Variants in TAS1R1 observed in about 807,000 individuals in gnomAD.
TAS1R1 encodes taste receptor type 1 member 1.
In TAS1R1, 31 loss-of-function variants were observed where a neutral mutation model predicts 45.8. The ratio of observed to expected loss-of-function variants is 0.68; its 90% CI spans 0.51 to 0.91. The LOEUF (loss-of-function observed/expected upper bound fraction) is 0.91. Ranked by LOEUF, TAS1R1 falls within the 40% of genes least tolerant of loss-of-function variation. The pLI is 0.00. For synonymous variants in TAS1R1, 437 were observed against 448.4 expected (o/e 0.97, Z 0.32); for missense variants, 1,051 against 1,063.9 (o/e 0.99, Z 0.17).
intron 4 of TAS1R1, 23 bp downstream of exon 4, chr1:6,576,650 C>G (rs1280021004): frequency 3.1e-6 from 5 of 1,608,358 alleles, no homozygotes; most frequent in Non-Finnish European, 3.4e-6. Context: ...TGGCTACTCA[C>G]CATGTAACTG....
intron 1 of TAS1R1, among the ~76,000 whole-genome samples, chr1:6,566,745 G>A (rs1213093709): frequency 2.0e-5 from 3 of 152,180 alleles, no homozygotes; most frequent in African/African-American, 4.8e-5. Context: ...ACAGGTGCCC[G>A]CCACTGCGCC....
In TAS1R1 at chr1:6,574,097, T is replaced by G. The variant is rs1288351790; in HGVS notation, c.499-534T>G. Among the ~76,000 whole-genome samples, 1 of 152,140 alleles carries G rather than the reference T, an allele frequency of 6.6e-6. No homozygotes were observed. Among genetic ancestry groups the G allele is most frequent in the East Asian group, 1.9e-4 (1 of 5,190 alleles). On this transcript the variant is annotated intron_variant, in intron 2 of 5. Transcript: ENST00000333172. This position sits in a 1 kb window ranked among gnomAD's most constrained non-coding sequence, Gnocchi z 4.3. ...GAGACAGTGACAGATCATCAGACATTAGATTCTCATAAGTAGCGTGCAACC... is the reference window on the plus strand; with the variant it reads ...GAGACAGTGACAGATCATCAGACATGAGATTCTCATAAGTAGCGTGCAACC...
chr1:6,571,382 C>A (rs1191722989), intron 2 of TAS1R1, among the ~76,000 whole-genome samples, 167 bp downstream of exon 2: 2 of 152,192 alleles, frequency 1.3e-5, no homozygotes, highest in Non-Finnish European at 2.9e-5. Context: ...GTGGTTCCTG[C>A]CCCAGCCTTC....
At position 6,578,766 on chromosome 1, in the gene TAS1R1, C is replaced by T; in HGVS notation, c.1708C>T (p.Leu570=). 3 of 1,613,200 alleles carry T rather than the reference C, an allele frequency of 1.9e-6. No homozygotes were observed. Among genetic ancestry groups the T allele is most frequent in the African/African-American group, 1.3e-5 (1 of 75,076 alleles). The change falls in exon 6 of 6, where the codon CTG becomes TTG. Residue 570 remains leucine, a synonymous_variant. Transcript: ENST00000333172. The part of the protein sequence containing the change: ...LALREHTSWV[L]LAANTLLLLL... The stretch of plus-strand genomic sequence containing the variant: ...TTTGCGTGAGCACACCTCTTGGGTG[C>T]TGCTGGCAGCTAACACGCTGCTGCT...
intron 1 of TAS1R1, among the ~76,000 whole-genome samples, chr1:6,568,461 G>T (rs367554969): frequency 1.4e-4 from 15 of 106,362 alleles, no homozygotes; most frequent in Non-Finnish European, 2.5e-4. Flanking sequence ...TCTCAAAAAA[G>T]AAAAAAAAAA....
Position 6,578,840 on chromosome 1 carries a change from C to A in TAS1R1, c.1782C>A (p.Thr594=), listed in dbSNP as rs1354157411. The stretch of plus-strand genomic sequence containing the variant: ...GCCTGTTTGCCTGGCACCTAGACAC[C>A]CCTGTGGTGAGGTCAGCAGGGGGCC... ...TAGLFAWHLD[T]PVVRSAGGRL... is the part of the protein sequence containing the mutation. The change falls in exon 6 of 6, where the codon ACC becomes ACA. Residue 594 remains threonine, a synonymous_variant. Coordinates refer to ENST00000333172, the MANE Select transcript of TAS1R1 (RefSeq NM_138697.4). 2 of 1,611,786 alleles carry A rather than the reference C, an allele frequency of 1.2e-6. No homozygotes were observed. The highest frequency in any genetic ancestry group is 1.3e-5 in the African/African-American group (1 of 74,836).
intron 1 of TAS1R1, among the ~76,000 whole-genome samples, chr1:6,570,066 A>T (rs1570119604): frequency 6.7e-6 from 1 of 149,644 alleles, no homozygotes; most frequent in African/African-American, 2.5e-5. Flanking sequence ...TCCTCTGGGG[A>T]TGCCCGGCCA....
At chr1:6,566,959 T>C (rs1373403244) in intron 1 of TAS1R1, among the ~76,000 whole-genome samples, 1 of 151,862 alleles carries the variant, frequency 6.6e-6, no homozygotes, top group Non-Finnish European at 1.5e-5. Context: ...TCCTACACTA[T>C]TGGGTTAACA....
At chr1:6,575,811 G>A (rs1440956021) in intron 3 of TAS1R1, among the ~76,000 whole-genome samples, 1 of 151,202 alleles carries the variant, frequency 6.6e-6, no homozygotes, top group Non-Finnish European at 1.5e-5. Context: ...CCCTGCCTCA[G>A]CCTCCCAAGT....
chr1:6,565,490 G>T (rs934527102), intron 1 of TAS1R1, among the ~76,000 whole-genome samples: 1 of 152,134 alleles, frequency 6.6e-6, no homozygotes, highest in African/African-American at 2.4e-5. Flanking sequence ...AAGAAGGAGG[G>T]CTTCCTTTTT....
At chr1:6,566,062 G>A (rs946869358) in intron 1 of TAS1R1, among the ~76,000 whole-genome samples, 1 of 152,182 alleles carries the variant, frequency 6.6e-6, no homozygotes, top group Non-Finnish European at 1.5e-5. Context: ...AAGGGTAATA[G>A]TGTGAGTCTG....
chr1:6,560,986 C>CAAAA lies in TAS1R1; in HGVS notation c.191+5438_191+5441dup, dbSNP rs35928406. On this transcript the variant is annotated intron_variant, in intron 1 of 5. Coordinates refer to ENST00000333172, the MANE Select transcript of TAS1R1 (RefSeq NM_138697.4). ...GCGACAGAGTCGGAAGACTCTGTCT[C>CAAAA]AAAAAAAAAAAAAAAAAAAGAGGGG... Among the ~76,000 whole-genome samples the CAAAA allele has an allele frequency of 1.5e-3, 141 of 92,518 alleles. 5 individuals carry two copies. The highest frequency in any genetic ancestry group is 8.6e-3 in the Middle Eastern group (1 of 116). 60.7% of individuals were successfully genotyped at this position (92,518 alleles called of 152,430 possible).
intron 2 of TAS1R1, among the ~76,000 whole-genome samples, chr1:6,572,969 C>T (rs1454676021): frequency 6.6e-6 from 1 of 152,180 alleles, no homozygotes; most frequent in Admixed American, 6.5e-5. Context: ...CACTGCTGCT[C>T]CTCCTTGCCC....
intron 2 of TAS1R1, among the ~76,000 whole-genome samples, chr1:6,572,790 C>G (rs1640051868): frequency 4.6e-5 from 7 of 152,174 alleles, no homozygotes; most frequent in Admixed American, 4.6e-4. Context: ...AGTCCCCTCC[C>G]CTCTGATCTG....
In TAS1R1 at chr1:6,574,257, C is replaced by T. The variant is rs780629060; in HGVS notation, c.499-374C>T. On this transcript the variant is annotated intron_variant, in intron 2 of 5. Coordinates refer to ENST00000333172, the MANE Select transcript of TAS1R1 (RefSeq NM_138697.4). This position sits in a 1 kb window ranked among gnomAD's most constrained non-coding sequence, Gnocchi z 4.3. Reference sequence around the variant, plus strand: ...CTTACTCACCAGCTGCTCACCTCCTCCTGTGAGGCCCGGTTCCTAACAGGC... The same window carrying T: ...CTTACTCACCAGCTGCTCACCTCCTTCTGTGAGGCCCGGTTCCTAACAGGC... 4.6e-5 allele frequency among the ~76,000 whole-genome samples: 7 copies of T among 152,210 alleles called. No individual in the cohort carries two copies. The highest frequency in any genetic ancestry group is 7.3e-5 in the Non-Finnish European group (5 of 68,048).
intron 1 of TAS1R1, among the ~76,000 whole-genome samples, chr1:6,570,119 A>T (rs965453528): frequency 4.6e-5 from 7 of 152,072 alleles, no homozygotes; most frequent in African/African-American, 1.7e-4. Flanking sequence ...ATGTAAGGTT[A>T]GCCAAGAGAA....
Position 6,579,661 on chromosome 1 carries a change from G to T in TAS1R1, c.*77G>T, listed in dbSNP as rs970071158. 34 of 1,514,782 alleles carry T rather than the reference G, an allele frequency of 2.2e-5. No individual in the cohort carries two copies. The African/African-American group carries it at 4.6e-4, about 20-fold the overall frequency. The allele number at this position is 1,514,782 out of a possible 1,614,324, so 93.8% of individuals were successfully genotyped here. On this transcript the variant is annotated 3_prime_UTR_variant, in exon 6 of 6. Transcript: ENST00000333172. ...GGTCGAGCAGGCCGGGGGTGTCCGG[G>T]AGGTCTTTGGGCATCGCGGTCTGGG...
chr1:6,571,277 G>T, intron 2 of TAS1R1, 62 bp downstream of exon 2: 1 of 1,455,772 alleles, frequency 6.9e-7, no homozygotes. Flanking sequence ...TGGGGCATGT[G>T]GGCAAGAGCT....
At chr1:6,573,076 C>T (rs1570125473) in intron 2 of TAS1R1, among the ~76,000 whole-genome samples, 1 of 152,346 alleles carries the variant, frequency 6.6e-6, no homozygotes, top group East Asian at 1.9e-4. Context: ...ATTCTCCCAT[C>T]AGTGTCCTAA....
Sources: allele counts gnomAD v4.1 joint callset (sites outside exome capture counted in the v4.1 genomes callset), GRCh38; gene constraint gnomAD v4.1.1; non-coding constraint Gnocchi (gnomAD v3.1); transcripts MANE v1.5; gene names NCBI Gene and HGNC (gene_info 2026-07-23, HGNC 2026-07-21).